The following EPS8 variants were observed in gnomAD, a reference collection of about 807,000 sequenced individuals.
EPS8 encodes epidermal growth factor receptor kinase substrate 8.
In EPS8, 42 loss-of-function variants were observed where a neutral mutation model predicts 103.8. The observed-to-expected ratio is 0.40, with a 90% confidence interval of 0.32 to 0.52. EPS8 has a LOEUF of 0.52. Ranked by LOEUF, EPS8 falls within the 20% of genes least tolerant of loss-of-function variation. EPS8 has a pLI of 0.40. For missense variants in EPS8, 969 were observed against 1,005.1 expected (o/e 0.96, Z 0.49); for synonymous variants, 344 against 344.6 (o/e 1.00, Z 0.02).
rs1565537166 is a variant in EPS8, at chr12:15,769,254, A to C, written c.-22+19907T>G. ...CTTAACAAAAAGCACACAAAAAATA[A>C]GAGATACAATCAGGCAAATATTATA... On this transcript the variant is annotated intron_variant, in intron 1 of 20. Transcript: ENST00000281172. This position sits in a 1 kb window ranked among gnomAD's most constrained non-coding sequence, Gnocchi z 4.6. 6.6e-6 allele frequency among the ~76,000 whole-genome samples: 1 copy of C among 152,242 alleles called. No individual in the cohort carries two copies.
At chr12:15,732,684 A>C in intron 1 of EPS8, 1 of 725,234 alleles carries the variant, frequency 1.4e-6, no homozygotes, top group Non-Finnish European at 1.7e-6. Context: ...ACTGTTTACT[A>C]AGAAACAACA....
rs1020971702 is a variant in EPS8, at chr12:15,777,007, A to G, written c.-22+12154T>C. 1.3e-5 allele frequency among the ~76,000 whole-genome samples: 2 copies of G among 152,194 alleles called. No individual in the cohort carries two copies. The highest frequency in any genetic ancestry group is 2.9e-5 in the Non-Finnish European group (2 of 68,040). On this transcript the variant is annotated intron_variant, in intron 1 of 20. Transcript: ENST00000281172. This position sits in a 1 kb window ranked among gnomAD's most constrained non-coding sequence, Gnocchi z 4.7. Reference sequence around the variant, plus strand: ...TTTAGGTCTTTTATCCTGTAGTCCAATGAGAGCTGATAAAATCATTCTTCA... The same window carrying G: ...TTTAGGTCTTTTATCCTGTAGTCCAGTGAGAGCTGATAAAATCATTCTTCA...
intron 6 of EPS8, among the ~76,000 whole-genome samples, chr12:15,666,888 C>T (rs1354600937): frequency 6.6e-6 from 1 of 152,188 alleles, no homozygotes; most frequent in Non-Finnish European, 1.5e-5. Flanking sequence ...TTCCCTTTCT[C>T]ATCCTCAAGA....
Position 15,733,557 on chromosome 12 carries a change from GAAAGAAT to G in EPS8, c.-21-50592_-21-50586del, listed in dbSNP as rs1230157456. On this transcript the variant is annotated intron_variant, in intron 1 of 20. Transcript: ENST00000281172. The surrounding 1 kb of genome is among the most constrained non-coding windows in gnomAD (Gnocchi z 4.8). ...CTAGATATACCTTTTGTGAGATGAAGAAAGAATAAAAGGACATGTGAAAACACCTCAG... is the reference window on the plus strand; with the variant it reads ...CTAGATATACCTTTTGTGAGATGAAGAAAAGGACATGTGAAAACACCTCAG... 1.3e-5 allele frequency among the ~76,000 whole-genome samples: 2 copies of G among 151,952 alleles called. No individual in the cohort carries two copies. Among genetic ancestry groups the G allele is most frequent in the Non-Finnish European group, 2.9e-5 (2 of 68,000 alleles).
Position 15,693,196 on chromosome 12 carries a change from C to A in EPS8, c.-21-10224G>T, listed in dbSNP as rs538718349. ...GTCTTTTGCATAGATCAGTCAGGTT[C>A]TCCAAGGAAGTATCTTCCCATTCCA... is the stretch of plus-strand genomic sequence containing the variant. On this transcript the variant is annotated intron_variant, in intron 1 of 20. Coordinates refer to ENST00000281172, the MANE Select transcript of EPS8 (RefSeq NM_004447.6). This position sits in a 1 kb window ranked among gnomAD's most constrained non-coding sequence, Gnocchi z 5.6. 6.6e-6 allele frequency among the ~76,000 whole-genome samples: 1 copy of A among 152,282 alleles called. No individual in the cohort carries two copies. The highest frequency in any genetic ancestry group is 1.9e-4 in the East Asian group (1 of 5,168).
intron 17 of EPS8, among the ~76,000 whole-genome samples, chr12:15,632,293 G>T (rs1166905546): frequency 6.6e-6 from 1 of 152,056 alleles, no homozygotes; most frequent in Non-Finnish European, 1.5e-5. Flanking sequence ...ACTTACAAAC[G>T]AATACTAGAA....
Position 15,698,618 on chromosome 12 carries a change from G to C in EPS8, c.-21-15646C>G, listed in dbSNP as rs943170497. The stretch of plus-strand genomic sequence containing the variant: ...CAGGAATAGCACGTACCGGCACATA[G>C]TAGCACATTCAAACTATTTAGCTGG... On this transcript the variant is annotated intron_variant, in intron 1 of 20. Coordinates refer to ENST00000281172, the MANE Select transcript of EPS8 (RefSeq NM_004447.6). This position sits in a 1 kb window ranked among gnomAD's most constrained non-coding sequence, Gnocchi z 4.9. Among the ~76,000 whole-genome samples, 2 of 151,290 alleles carry C rather than the reference G, an allele frequency of 1.3e-5. No homozygotes were observed. Among genetic ancestry groups the C allele is most frequent in the Non-Finnish European group, 2.9e-5 (2 of 67,952 alleles).
At chr12:15,763,881 A>C (rs554022950) in intron 1 of EPS8, among the ~76,000 whole-genome samples, 4 of 152,358 alleles carry the variant, frequency 2.6e-5, no homozygotes, top group African/African-American at 9.6e-5. Flanking sequence ...TACAAAAATT[A>C]ATTACCTCTC....
chr12:15,701,710 A>C lies in EPS8; in HGVS notation c.-21-18738T>G, dbSNP rs2135938291. Among the ~76,000 whole-genome samples, 1 of 152,322 alleles carries C rather than the reference A, an allele frequency of 6.6e-6. No individual in the cohort carries two copies. On this transcript the variant is annotated intron_variant, in intron 1 of 20. Coordinates refer to ENST00000281172, the MANE Select transcript of EPS8 (RefSeq NM_004447.6). The surrounding 1 kb of genome is among the most constrained non-coding windows in gnomAD (Gnocchi z 5.1). ...TACACTGTCCAGATACATTTATGTCAATCTCACTTGTTTTTTAGTTTCGAA... is the reference window on the plus strand; with the variant it reads ...TACACTGTCCAGATACATTTATGTCCATCTCACTTGTTTTTTAGTTTCGAA...
rs914864528 is a variant in EPS8, at chr12:15,721,276, T to C, written c.-21-38304A>G. 6.6e-6 allele frequency among the ~76,000 whole-genome samples: 1 copy of C among 152,192 alleles called. No homozygotes were observed. Among genetic ancestry groups the C allele is most frequent in the Non-Finnish European group, 1.5e-5 (1 of 68,038 alleles). On this transcript the variant is annotated intron_variant, in intron 1 of 20. Transcript: ENST00000281172. This position sits in a 1 kb window ranked among gnomAD's most constrained non-coding sequence, Gnocchi z 4.4. ...CACCCATGTCTGTAATATACAGTCA[T>C]ATGCCATTCCCCACTCACAAAAATA...
Position 15,748,066 on chromosome 12 carries a change from T to C in EPS8, c.-22+41095A>G, listed in dbSNP as rs1251489688. Among the ~76,000 whole-genome samples, 3 of 152,008 alleles carry C rather than the reference T, an allele frequency of 2.0e-5. No individual in the cohort carries two copies. Among genetic ancestry groups the C allele is most frequent in the African/African-American group, 7.2e-5 (3 of 41,380 alleles). On this transcript the variant is annotated intron_variant, in intron 1 of 20. Transcript: ENST00000281172. This position sits in a 1 kb window ranked among gnomAD's most constrained non-coding sequence, Gnocchi z 4.8. ...ACAAAAAAAAGTAATGCCTCATGCA[T>C]GCAAAAAAGGCAGAGAATTTGCTAT...
rs931355334 is a variant in EPS8 at position 15,778,666 on chromosome 12, T to C, written c.-22+10495A>G. Among the ~76,000 whole-genome samples, 9 of 152,162 alleles carry C rather than the reference T, an allele frequency of 5.9e-5. No individual in the cohort carries two copies. The highest frequency in any genetic ancestry group is 8.8e-5 in the Non-Finnish European group (6 of 68,032). On this transcript the variant is annotated intron_variant, in intron 1 of 20. Transcript: ENST00000281172. This position sits in a 1 kb window ranked among gnomAD's most constrained non-coding sequence, Gnocchi z 4.5. ...ATATTTGTAAACTCCCAAACACATA[T>C]AGTTTGTCATAAAACAGTTGAAGTT...
intron 1 of EPS8, among the ~76,000 whole-genome samples, chr12:15,740,698 G>A (rs1368326698): frequency 6.6e-6 from 1 of 152,070 alleles, no homozygotes; most frequent in Non-Finnish European, 1.5e-5. Flanking sequence ...TAAAGAATAA[G>A]ACAGTCTCTC....
chr12:15,658,679 G>C (rs1280960395), intron 10 of EPS8, 94 bp from the exon 11 acceptor site: 4 of 837,556 alleles, frequency 4.8e-6, no homozygotes, highest in Non-Finnish European at 8.2e-6. Flanking sequence ...TGTAAAGTTT[G>C]AAGATCTCAT....
Position 15,623,251 on chromosome 12 carries a change from T to C in EPS8, c.2262A>G (p.Gln754=), listed in dbSNP as rs778215232. ...GTTCATCCTTATTGAGAGAGAAAAG[T>C]TGTGCACCATTTAATACTCCAAGAC... ...VNSLGVLNGA[Q]LFSLNKDELR... The change falls in exon 20 of 21, where the codon CAA becomes CAG. Residue 754 remains glutamine (Q), a synonymous_variant. Coordinates refer to ENST00000281172, the MANE Select transcript of EPS8 (RefSeq NM_004447.6). The C allele has an allele frequency of 4.3e-6, 7 of 1,612,752 alleles. No individual in the cohort carries two copies. Among genetic ancestry groups the C allele is most frequent in the Non-Finnish European group, 4.2e-6 (5 of 1,179,332 alleles).
At chr12:15,712,034 C>T (rs1410512645) in intron 1 of EPS8, among the ~76,000 whole-genome samples, 1 of 151,974 alleles carries the variant, frequency 6.6e-6, no homozygotes. Context: ...CAAAAAAGTT[C>T]CTTCTGAGTA....
In EPS8 at chr12:15,697,137, A is replaced by C. The variant is rs1182649972; in HGVS notation, c.-21-14165T>G. On this transcript the variant is annotated intron_variant, in intron 1 of 20. Transcript: ENST00000281172. This position sits in a 1 kb window ranked among gnomAD's most constrained non-coding sequence, Gnocchi z 5.6. ...AGAAGGGAAAACTTGAGGGACAAGCACAAACTGATTTGGGAAAATGGCCTA... is the reference window on the plus strand; with the variant it reads ...AGAAGGGAAAACTTGAGGGACAAGCCCAAACTGATTTGGGAAAATGGCCTA... Among the ~76,000 whole-genome samples the C allele has an allele frequency of 1.3e-5, 2 of 152,156 alleles. No homozygotes were observed. Among genetic ancestry groups the C allele is most frequent in the Non-Finnish European group, 2.9e-5 (2 of 68,022 alleles).
At chr12:15,705,197 A>T (rs1038156501) in intron 1 of EPS8, among the ~76,000 whole-genome samples, 3 of 152,192 alleles carry the variant, frequency 2.0e-5, no homozygotes, top group Non-Finnish European at 2.9e-5. Context: ...ACTGATTCTT[A>T]ATTTTTACCT....
chr12:15,716,109 A>G lies in EPS8; in HGVS notation c.-21-33137T>C, dbSNP rs1247085283. Among the ~76,000 whole-genome samples, 2 of 152,180 alleles carry G rather than the reference A, an allele frequency of 1.3e-5. No homozygotes were observed. Among genetic ancestry groups the G allele is most frequent in the African/African-American group, 2.4e-5 (1 of 41,446 alleles). On this transcript the variant is annotated intron_variant, in intron 1 of 20. Coordinates refer to ENST00000281172, the MANE Select transcript of EPS8 (RefSeq NM_004447.6). The surrounding 1 kb of genome is among the most constrained non-coding windows in gnomAD (Gnocchi z 5.0). The stretch of plus-strand genomic sequence containing the variant: ...CAACCCAACATTTCAAAGTATCACT[A>G]AACTTGAGAGCTGAAAGAAATCTGA...
Sources: gnomAD v4.1 joint callset for allele counts (sites outside exome capture counted in the v4.1 genomes callset) on GRCh38, gnomAD v4.1.1 for gene constraint, Gnocchi (gnomAD v3.1) non-coding constraint, MANE v1.5 for transcripts, NCBI Gene and HGNC (gene_info 2026-07-23, HGNC 2026-07-21) for gene names.